IMPG1: variants seen among roughly 807,000 people sequenced by gnomAD.
IMPG1 encodes the protein interphotoreceptor matrix proteoglycan 1.
A neutral mutation model predicts 92.0 loss-of-function variants in IMPG1; 85 were observed. The ratio of observed to expected loss-of-function variants is 0.92; its 90% CI spans 0.78 to 1.11. The LOEUF is 1.11. Ranked by LOEUF, IMPG1 falls within the 50% of genes least tolerant of loss-of-function variation. The pLI, the probability that IMPG1 is intolerant of heterozygous loss-of-function variation, is 0.00. For missense variants in IMPG1, 1,022 were observed against 956.0 expected (o/e 1.07, Z -0.91); for synonymous variants, 367 against 334.1 (o/e 1.10, Z -1.08).
chr6:75,987,134 G>C (rs896340959), intron 12 of IMPG1, among the ~76,000 whole-genome samples: 1 of 152,004 alleles, frequency 6.6e-6, no homozygotes, highest in Non-Finnish European at 1.5e-5. Flanking sequence ...TCCTTGGCGA[G>C]GCCTAAATTC....
In IMPG1 at chr6:75,924,608, T is replaced by G. The variant is rs1339605721; in HGVS notation, c.2244-902A>C. ...TAATTATATATTATATATAATTAATTATATATAATATATAATAAATTATAT... is the reference window on the plus strand; with the variant it reads ...TAATTATATATTATATATAATTAATGATATATAATATATAATAAATTATAT... On this transcript the variant is annotated intron_variant, in intron 15 of 16. Transcript: ENST00000369950. Among the ~76,000 whole-genome samples the G allele has an allele frequency of 2.9e-4, 12 of 40,938 alleles. 2 individuals are homozygous for G. Among genetic ancestry groups the G allele is most frequent in the African/African-American group, 1.0e-3 (11 of 10,518 alleles). The allele number at this position is 40,938 out of a possible 152,430, so 26.9% of individuals were successfully genotyped here.
At chr6:76,011,881 C>T (rs890493403) in intron 7 of IMPG1, among the ~76,000 whole-genome samples, 6 of 151,698 alleles carry the variant, frequency 4.0e-5, no homozygotes, top group Non-Finnish European at 8.8e-5. Context: ...TGATGGTTTC[C>T]AATTTCATCC....
intron 4 of IMPG1, among the ~76,000 whole-genome samples, chr6:76,028,665 T>C (rs1783596932): frequency 1.3e-5 from 2 of 152,058 alleles, no homozygotes; most frequent in African/African-American, 2.4e-5. Flanking sequence ...CCGTCTCTAC[T>C]AAAAAATAGA....
intron 10 of IMPG1, among the ~76,000 whole-genome samples, chr6:76,004,483 T>C (rs896524617): frequency 6.6e-6 from 1 of 152,176 alleles, no homozygotes; most frequent in Non-Finnish European, 1.5e-5. Flanking sequence ...AAGAGACCTT[T>C]ATGAAGTTTT....
intron 14 of IMPG1, among the ~76,000 whole-genome samples, chr6:75,938,797 G>T (rs1171731227): frequency 6.9e-6 from 1 of 144,688 alleles, no homozygotes; most frequent in Non-Finnish European, 1.5e-5. Context: ...TGGACGACAA[G>T]CCAGGCTCCA....
intron 9 of IMPG1, among the ~76,000 whole-genome samples, chr6:76,006,830 T>C (rs1462292399): frequency 6.6e-6 from 1 of 152,156 alleles, no homozygotes; most frequent in Non-Finnish European, 1.5e-5. Context: ...TCTATGTCTC[T>C]GTCCTCAGGA....
At chr6:75,923,988 G>A (rs1269218325) in intron 15 of IMPG1, among the ~76,000 whole-genome samples, 6 of 152,030 alleles carry the variant, frequency 3.9e-5, no homozygotes, top group Non-Finnish European at 7.4e-5. Context: ...AGTTGTGGTT[G>A]CTGAAAAACA....
chr6:75,934,803 T>A (rs1222865163), intron 14 of IMPG1: 1 of 332,048 alleles, frequency 3.0e-6, no homozygotes, highest in African/African-American at 2.1e-5. Context: ...CCCCTTCCCG[T>A]CCCGCCCCTC....
At chr6:75,944,079 A>G (rs993567096) in intron 14 of IMPG1, among the ~76,000 whole-genome samples, 16 of 152,336 alleles carry the variant, frequency 1.1e-4, no homozygotes, top group African/African-American at 1.7e-4. Flanking sequence ...AAGATGGTCA[A>G]TGTCCTGATC....
chr6:76,065,541 A>C (rs1004705649), intron 1 of IMPG1, among the ~76,000 whole-genome samples: 1 of 152,118 alleles, frequency 6.6e-6, no homozygotes, highest in African/African-American at 2.4e-5. Context: ...CAAGAATAAA[A>C]AAATTTTAAA....
rs534229266 is a variant in IMPG1 at position 76,055,590 on chromosome 6, GA to G, written c.68-13465del. Among the ~76,000 whole-genome samples the G allele has an allele frequency of 3.1e-3, 469 of 151,406 alleles. 3 individuals are homozygous for G. The highest frequency in any genetic ancestry group is 8.7e-3 in the South Asian group (42 of 4,802). On this transcript the variant is annotated intron_variant, in intron 1 of 16. Transcript: ENST00000369950. ...TGTGAAAGAGATCATAAATATAAAT[GA>G]AAAAAAGAAATATAAAAGTCAAACT...
At chr6:76,034,495 C>A in intron 3 of IMPG1, 126 bp downstream of exon 3, 1 of 1,230,140 alleles carries the variant, frequency 8.1e-7, no homozygotes, top group South Asian at 1.4e-5. Context: ...TTGGCCTAAT[C>A]AGATACCTCC....
chr6:76,005,657 G>T lies in IMPG1; in HGVS notation c.888-123C>A, dbSNP rs925723559. 11 of 878,642 alleles carry T rather than the reference G, an allele frequency of 1.3e-5. No individual in the cohort carries two copies. The Admixed American group carries it at 2.6e-4, about 21-fold the overall frequency. 54.4% of individuals were successfully genotyped at this position (878,642 alleles called of 1,614,324 possible). ...ACCTCTTTCCTGATGGGCTCGGAGA[G>T]AATATCCCACTTTAAAACATTTCAA... On this transcript the variant is annotated intron_variant, in intron 9 of 16. Coordinates refer to ENST00000369950, the MANE Select transcript of IMPG1 (RefSeq NM_001563.4).
chr6:75,954,702 G>A (rs1168586016), intron 12 of IMPG1, among the ~76,000 whole-genome samples: 2 of 152,138 alleles, frequency 1.3e-5, no homozygotes, highest in African/African-American at 4.8e-5. Flanking sequence ...CCTATGTCCT[G>A]AATGGTATTG....
Position 76,060,792 on chromosome 6 carries a change from G to A in IMPG1, c.67+11630C>T, listed in dbSNP as rs558526254. ...TTTCTACCCTTAAGCAAGAAGGGGC[G>A]GTGTGGATGGAGACCTCACTTACCC... is the stretch of plus-strand genomic sequence containing the variant. On this transcript the variant is annotated intron_variant, in intron 1 of 16. Coordinates refer to ENST00000369950, the MANE Select transcript of IMPG1 (RefSeq NM_001563.4). Among the ~76,000 whole-genome samples the A allele has an allele frequency of 1.1e-4, 17 of 152,230 alleles. No individual in the cohort carries two copies. In the South Asian group the frequency reaches 1.9e-3, roughly 17 times the overall value.
At chr6:76,062,588 T>C (rs1784225116) in intron 1 of IMPG1, among the ~76,000 whole-genome samples, 1 of 152,234 alleles carries the variant, frequency 6.6e-6, no homozygotes. Context: ...ACTCATCTTT[T>C]AAAATGAAAC....
intron 12 of IMPG1, among the ~76,000 whole-genome samples, chr6:75,969,014 GACA>G (rs1369590093): frequency 6.6e-6 from 1 of 152,098 alleles, no homozygotes; most frequent in East Asian, 1.9e-4. Context: ...TGTTATTTTT[GACA>G]ACATGAATGA....
chr6:75,987,239 T>C (rs1309642892), intron 12 of IMPG1, among the ~76,000 whole-genome samples: 1 of 151,996 alleles, frequency 6.6e-6, no homozygotes, highest in Admixed American at 6.6e-5. Context: ...CTACGACTTT[T>C]TATCCTCTGT....
chr6:76,032,078 C>T (rs1439456282), intron 4 of IMPG1, among the ~76,000 whole-genome samples: 1 of 152,080 alleles, frequency 6.6e-6, no homozygotes. Flanking sequence ...TCTTTTCTTT[C>T]TTTTTTGAAA....
Sources: gnomAD v4.1 joint callset for allele counts (sites outside exome capture counted in the v4.1 genomes callset) on GRCh38, gnomAD v4.1.1 for gene constraint, MANE v1.5 for transcripts, NCBI Gene and HGNC (gene_info 2026-07-23, HGNC 2026-07-21) for gene names.